LIMS1: variants seen among roughly 807,000 people sequenced by gnomAD.
LIMS1 encodes the protein LIM zinc finger domain containing 1.
A neutral mutation model predicts 44.1 loss-of-function variants in LIMS1; 18 were observed. That is an observed-to-expected ratio of 0.41 (90% CI 0.28 to 0.61). The LOEUF (loss-of-function observed/expected upper bound fraction) is 0.61. Among genes scored for constraint, LIMS1 ranks in the 20% least tolerant of loss-of-function variants. The probability of loss-of-function intolerance (pLI) is 0.32; values close to 1 mark genes in which losing one functional copy is unlikely to be tolerated. For missense variants in LIMS1, 201 were observed against 422.0 expected, an observed-to-expected ratio of 0.48 and a Z score of 4.59; for synonymous variants, 93 against 149.1, an observed-to-expected ratio of 0.62 and a Z score of 2.74.
chr2:108,664,206 C>T (rs1478270862), intron 2 of LIMS1, among the ~76,000 whole-genome samples: 1 of 152,170 alleles, frequency 6.6e-6, no homozygotes, highest in Non-Finnish European at 1.5e-5. Context: ...CCACTCACTT[C>T]AAGGCAGTTT....
chr2:108,541,693 T>C (rs1244386709), intron 1 of LIMS1, among the ~76,000 whole-genome samples: 1 of 152,186 alleles, frequency 6.6e-6, no homozygotes, highest in African/African-American at 2.4e-5. Context: ...TGCCTTTTTC[T>C]GAAAATGATG....
chr2:108,679,754 C>CAAAATA (rs55936085), intron 8 of LIMS1, among the ~76,000 whole-genome samples: 62,689 of 151,032 alleles, frequency 0.42, 14,745 homozygotes, highest in East Asian at 0.95. Flanking sequence ...TCCATCTCTA[C>CAAAATA]AAAATAAAAA....
At chr2:108,637,674 C>G (rs1383065951) in intron 1 of LIMS1, among the ~76,000 whole-genome samples, 1 of 152,082 alleles carries the variant, frequency 6.6e-6, no homozygotes, top group Non-Finnish European at 1.5e-5. Flanking sequence ...GACCAGAACA[C>G]AATGTTATCT....
chr2:108,603,145 T>C (rs1687098444), intron 1 of LIMS1, among the ~76,000 whole-genome samples: 1 of 152,200 alleles, frequency 6.6e-6, no homozygotes, highest in African/African-American at 2.4e-5. Flanking sequence ...ACACTGGCCT[T>C]GTAGAATGAG....
intron 1 of LIMS1, among the ~76,000 whole-genome samples, chr2:108,547,791 C>A (rs1354277260): frequency 1.3e-5 from 2 of 152,094 alleles, no homozygotes; most frequent in Non-Finnish European, 2.9e-5. Flanking sequence ...ATATCGGTTC[C>A]CTTGGGTTTT....
chr2:108,616,196 G>A (rs934004906), intron 1 of LIMS1, among the ~76,000 whole-genome samples: 3 of 115,476 alleles, frequency 2.6e-5, no homozygotes, highest in South Asian at 2.8e-4. Flanking sequence ...GTTTGCATGG[G>A]CTTTTTTTTT....
intron 5 of LIMS1, chr2:108,673,503 C>T (rs1692280956): frequency 5.2e-6 from 1 of 192,926 alleles, no homozygotes. Context: ...CCTCCCACTT[C>T]AGCCTCCAGA....
intron 1 of LIMS1, chr2:108,621,369 G>A (rs1303442922): frequency 1.3e-6 from 2 of 1,550,032 alleles, no homozygotes; most frequent in African/African-American, 1.4e-5. Flanking sequence ...CTGCATTACA[G>A]CTTAAAGAGC....
chr2:108,568,207 G>T lies in LIMS1; in HGVS notation c.32+33613G>T, dbSNP rs117134947. On this transcript the variant is annotated intron_variant, in intron 1 of 9. Transcript: ENST00000544547. ...TTCATTATATGTCCCTTCACTTAAA[G>T]TCATAGTTTCTGAGAACCAATTGTT... is the stretch of plus-strand genomic sequence containing the variant. Among the ~76,000 whole-genome samples the T allele has an allele frequency of 4.4e-3, 671 of 152,270 alleles. 4 individuals carry two copies. The highest frequency in any genetic ancestry group is 0.014 in the South Asian group (67 of 4,826).
At chr2:108,610,924 A>G (rs1282715782) in intron 1 of LIMS1, among the ~76,000 whole-genome samples, 3 of 152,116 alleles carry the variant, frequency 2.0e-5, no homozygotes, top group East Asian at 1.9e-4. Flanking sequence ...TAATCCTCAC[A>G]TAGTCCTCAC....
At position 108,552,817 on chromosome 2, in the gene LIMS1, A is replaced by G. The variant is rs560111914; in HGVS notation, c.32+18223A>G. On this transcript the variant is annotated intron_variant, in intron 1 of 9. Coordinates refer to ENST00000544547, the Ensembl canonical transcript of LIMS1. ...AGTCTGGAACTCCTGGCCTCAAGCA[A>G]TCCTTTCAGCTTGGCCTCCCAAAGT... Among the ~76,000 whole-genome samples, 19 of 152,072 alleles carry G rather than the reference A, an allele frequency of 1.2e-4. No individual in the cohort carries two copies. The South Asian group carries it at 3.1e-3, about 25-fold the overall frequency.
At chr2:108,607,453 T>C (rs1486130392) in intron 1 of LIMS1, among the ~76,000 whole-genome samples, 1 of 152,226 alleles carries the variant, frequency 6.6e-6, no homozygotes, top group African/African-American at 2.4e-5. Context: ...GGTATTTCTC[T>C]CTAACCTGGA....
At chr2:108,663,225 C>T (rs570052794) in intron 2 of LIMS1, among the ~76,000 whole-genome samples, 1 of 152,110 alleles carries the variant, frequency 6.6e-6, no homozygotes, top group African/African-American at 2.4e-5. Flanking sequence ...CTCAAGCAAT[C>T]CTCCCACCTC....
chr2:108,546,678 CTTT>C (rs377170614), intron 1 of LIMS1, among the ~76,000 whole-genome samples: 14 of 88,642 alleles, frequency 1.6e-4, no homozygotes, highest in African/African-American at 3.9e-4. Context: ...TTTGAGTGAT[CTTT>C]TTTTTTTTTT....
chr2:108,587,859 C>T (rs922326031), intron 1 of LIMS1, among the ~76,000 whole-genome samples: 14 of 152,306 alleles, frequency 9.2e-5, no homozygotes, highest in African/African-American at 3.4e-4. Context: ...GAATAATTTC[C>T]GCTGCTGGGG....
intron 1 of LIMS1, among the ~76,000 whole-genome samples, chr2:108,630,673 T>C (rs1368515937): frequency 6.8e-6 from 1 of 147,494 alleles, no homozygotes; most frequent in Non-Finnish European, 1.5e-5. Flanking sequence ...TCCAAACATC[T>C]ATCCCAGTAG....
At chr2:108,591,349 G>C (rs920401648) in intron 1 of LIMS1, among the ~76,000 whole-genome samples, 1 of 152,076 alleles carries the variant, frequency 6.6e-6, no homozygotes. Context: ...GCCTGAACCT[G>C]GGCGTTGTCA....
chr2:108,561,867 T>C (rs1310450998), intron 1 of LIMS1, among the ~76,000 whole-genome samples: 1 of 151,452 alleles, frequency 6.6e-6, no homozygotes, highest in East Asian at 2.0e-4. Context: ...CTCAGCCTCC[T>C]GAGTAGCTGG....
intron 1 of LIMS1, among the ~76,000 whole-genome samples, chr2:108,579,997 G>A (rs767186921): frequency 9.2e-5 from 14 of 152,212 alleles, no homozygotes; most frequent in East Asian, 3.8e-4. Context: ...GGGGGATGCC[G>A]GGTGGGAGCA....
Sources: allele counts gnomAD v4.1 joint callset (sites outside exome capture counted in the v4.1 genomes callset), GRCh38; gene constraint gnomAD v4.1.1; transcripts MANE v1.5; gene names NCBI Gene and HGNC (gene_info 2026-07-23, HGNC 2026-07-21).